Variants in OLFM1 observed in about 807,000 individuals in gnomAD.
OLFM1 encodes the protein noelin.
In OLFM1, 9 loss-of-function variants were observed where a neutral mutation model predicts 49.7. The observed-to-expected ratio is 0.18, with a 90% CI of 0.11 to 0.32. OLFM1 has a LOEUF of 0.32. Among genes scored for constraint, OLFM1 ranks in the 10% least tolerant of loss-of-function variants. The pLI is 1.00. For synonymous variants in OLFM1, 240 were observed against 271.8 expected (o/e 0.88, Z 1.15); for missense variants, 369 against 661.8 (o/e 0.56, Z 4.85).
In OLFM1 at chr9:135,078,755, T is replaced by G. The variant is rs111597996; in HGVS notation, c.96+2953T>G. Among the ~76,000 whole-genome samples the G allele has an allele frequency of 7.1e-3, 1,084 of 152,346 alleles. 15 individuals carry two copies. The highest frequency in any genetic ancestry group is 0.025 in the African/African-American group (1,042 of 41,580). ...AGGCCCACCGCCACACCCCCCAGGC[T>G]TCCCTTCAGAGTGAAGAATGTTTTT... On this transcript the variant is annotated intron_variant, in intron 1 of 5. Coordinates refer to the OLFM1 transcript ENST00000252854.
At chr9:135,118,411 T>TCTTTGGAGTGCTCGCTGG (rs1564282139) in intron 5 of OLFM1, among the ~76,000 whole-genome samples, 4 of 105,240 alleles carry the variant, frequency 3.8e-5, no homozygotes, top group African/African-American at 7.2e-5. Flanking sequence ...GTGCTCGCTG[T>TCTTTGGAGTGCTCGCTGG]GTCTTTGGAG....
chr9:135,084,649 G>T (rs1366176999), upstream of OLFM1, among the ~76,000 whole-genome samples: 3 of 149,740 alleles, frequency 2.0e-5, no homozygotes, highest in Non-Finnish European at 3.0e-5. The surrounding 1 kb of genome is among the most constrained non-coding windows in gnomAD (Gnocchi z 4.6). Context: ...CCCTCCCCTT[G>T]TTTCCCTTCA....
intron 2 of OLFM1, among the ~76,000 whole-genome samples, chr9:135,092,030 C>CG (rs1830724017): frequency 6.6e-6 from 1 of 152,108 alleles, no homozygotes; most frequent in African/African-American, 2.4e-5. Flanking sequence ...CTGTGAGGGG[C>CG]GGGGGGCCTC....
At chr9:135,103,015 G>A (rs1237308770) in intron 4 of OLFM1, among the ~76,000 whole-genome samples, 1 of 152,234 alleles carries the variant, frequency 6.6e-6, no homozygotes, top group Non-Finnish European at 1.5e-5. Context: ...AGCTTGTCCA[G>A]GCTCCCGGCC....
chr9:135,106,902 C>A, intron 5 of OLFM1, 47 bp downstream of exon 5: 1 of 1,439,976 alleles, frequency 6.9e-7, no homozygotes, highest in Admixed American at 2.0e-5. Flanking sequence ...CAAGGGCGCT[C>A]TCGGACACCT....
At position 135,108,992 on chromosome 9, in the gene OLFM1, A is replaced by AAAACCT. The variant is rs577881309; in HGVS notation, c.783+2142_783+2143insTAAACC. Among the ~76,000 whole-genome samples, 238 of 152,206 alleles carry AAAACCT rather than the reference A, an allele frequency of 1.6e-3. 2 individuals are homozygous for AAAACCT. The highest frequency in any genetic ancestry group is 5.2e-3 in the African/African-American group (214 of 41,526). On this transcript the variant is annotated intron_variant, in intron 5 of 5. Coordinates refer to ENST00000371793, the MANE Select transcript of OLFM1 (RefSeq NM_001282611.2). Reference sequence around the variant, plus strand: ...GGCCCACCCCACTATGCAGAGCAGGAAAACCACCCCACAAACCCACGCTGA... The same window carrying AAAACCT: ...GGCCCACCCCACTATGCAGAGCAGGAAAACCTAAACCACCCCACAAACCCACGCTGA...
In OLFM1 at chr9:135,098,029, A is replaced by G. The variant is rs774873339; in HGVS notation, c.457-257A>G. On this transcript the variant is annotated intron_variant, in intron 3 of 5. Coordinates refer to ENST00000371793, the MANE Select transcript of OLFM1 (RefSeq NM_001282611.2). This position sits in a 1 kb window ranked among gnomAD's most constrained non-coding sequence, Gnocchi z 5.6. ...TTTTTTGAAAAAGAAAGAAAAAAAA[A>G]ACTTCGTGTATGTGACTCAAAGCAT... 467 of 1,419,502 alleles carry G rather than the reference A, an allele frequency of 3.3e-4. 1 individual carries two copies. The highest frequency in any genetic ancestry group is 5.0e-4 in the Admixed American group (16 of 31,772). The allele number at this position is 1,419,502 out of a possible 1,614,324, so 87.9% of individuals were successfully genotyped here.
chr9:135,091,686 C>CACACACACACACAG (rs879403147), intron 2 of OLFM1, among the ~76,000 whole-genome samples: 1 of 39,004 alleles, frequency 2.6e-5, no homozygotes, highest in African/African-American at 1.2e-4. Flanking sequence ...CACACATAGT[C>CACACACACACACAG]TCACACACAC....
intron 1 of OLFM1, chr9:135,076,318 C>A (rs970771112): frequency 6.5e-7 from 1 of 1,549,862 alleles, no homozygotes; most frequent in Non-Finnish European, 8.7e-7. Flanking sequence ...GGGCAGCCAG[C>A]GTGCCGGCCA....
At chr9:135,077,526 A>G in intron 1 of OLFM1, 1 of 293,972 alleles carries the variant, frequency 3.4e-6, no homozygotes, top group African/African-American at 2.1e-5. Context: ...TCCGAACCCC[A>G]GCCAGCCCCT....
intron 5 of OLFM1, among the ~76,000 whole-genome samples, chr9:135,114,601 T>G (rs1831071063): frequency 9.5e-6 from 1 of 105,754 alleles, no homozygotes; most frequent in African/African-American, 3.6e-5. Flanking sequence ...GGGGCAGGGA[T>G]GGGGACGGGG....
chr9:135,081,852 C>T lies in OLFM1; in HGVS notation c.96+6050C>T, dbSNP rs548108985. On this transcript the variant is annotated intron_variant, in intron 1 of 5. Transcript: ENST00000252854. ...CAGTGAGGCTCTAAACTGCCCGACA[C>T]GTGCACCCGACACGCCTGCGGGTCC... Among the ~76,000 whole-genome samples the T allele has an allele frequency of 1.6e-4, 24 of 152,310 alleles. No homozygotes were observed. The South Asian group carries it at 4.2e-3, about 26-fold the overall frequency.
chr9:135,087,168 T>A (rs1342081962), upstream of OLFM1: 11 of 1,340,540 alleles, frequency 8.2e-6, no homozygotes, highest in African/African-American at 1.4e-4. Context: ...GACGCCCCCC[T>A]GGCGCTGGAG....
intron 5 of OLFM1, among the ~76,000 whole-genome samples, chr9:135,115,016 A>G (rs578019786): frequency 8.5e-5 from 13 of 152,214 alleles, no homozygotes; most frequent in African/African-American, 3.1e-4. Context: ...CAGGAACAGC[A>G]AGCTTCTCCC....
intron 4 of OLFM1, among the ~76,000 whole-genome samples, chr9:135,101,120 G>A (rs1196935509): frequency 2.0e-5 from 3 of 152,352 alleles, no homozygotes; most frequent in East Asian, 3.9e-4. Flanking sequence ...CTGGCAGCCT[G>A]TTCCCTTGCT....
At chr9:135,078,984 C>A (rs370916935) in intron 1 of OLFM1, among the ~76,000 whole-genome samples, 2 of 152,190 alleles carry the variant, frequency 1.3e-5, no homozygotes, top group African/African-American at 2.4e-5. Flanking sequence ...CTGCTACAGA[C>A]CCCCAACCCC....
In OLFM1 at chr9:135,119,558, A is replaced by C; in HGVS notation, c.838A>C (p.Met280Leu). Reference sequence around the variant, plus strand: ...CCGCTTCGTACGTGAGTACAAGTCCATGGTTGACTTCATGAACACGGACAA... The same window carrying C: ...CCGCTTCGTACGTGAGTACAAGTCCCTGGTTGACTTCATGAACACGGACAA... ...NNRFVREYKS[M>L]VDFMNTDNFT... Residue 280 changes from methionine to leucine, a missense_variant, in exon 6 of 6, where the codon ATG (methionine) becomes CTG (leucine). This residue lies in a region of OLFM1 where 294 missense variants were observed against 567.5 expected (regional missense o/e 0.52). Coordinates refer to ENST00000371793, the MANE Select transcript of OLFM1 (RefSeq NM_001282611.2). 1 of 1,614,070 alleles carries C rather than the reference A, an allele frequency of 6.2e-7. No homozygotes were observed. The highest frequency in any genetic ancestry group is 8.5e-7 in the Non-Finnish European group (1 of 1,180,002).
chr9:135,112,842 G>A (rs1253922892), intron 5 of OLFM1, among the ~76,000 whole-genome samples: 2 of 152,326 alleles, frequency 1.3e-5, no homozygotes, highest in East Asian at 3.9e-4. Flanking sequence ...GGTCCCTGAG[G>A]GGGAGAAGGA....
chr9:135,106,775 G>A lies in OLFM1; in HGVS notation c.703G>A (p.Asp235Asn). ...TTGCGGGAAGTTGACGGGCATCAGTGACCCCGTGACTGTCAAGACCTCCGG... is the reference window on the plus strand; with the variant it reads ...TTGCGGGAAGTTGACGGGCATCAGTAACCCCGTGACTGTCAAGACCTCCGG... ...LACGKLTGIS[D>N]PVTVKTSGSR... Residue 235 changes from aspartate to asparagine, a missense_variant, in exon 5 of 6, where the codon GAC (aspartate) becomes AAC (asparagine). Physicochemically the swap from Asp to Asn is conservative, Grantham distance 23 (BLOSUM62 1). Coordinates refer to ENST00000371793, the MANE Select transcript of OLFM1 (RefSeq NM_001282611.2). 6.2e-7 allele frequency: 1 copy of A among 1,613,676 alleles called. No individual in the cohort carries two copies. The highest frequency in any genetic ancestry group is 8.5e-7 in the Non-Finnish European group (1 of 1,179,904).
Sources: allele counts gnomAD v4.1 joint callset (sites outside exome capture counted in the v4.1 genomes callset), GRCh38; gene constraint gnomAD v4.1.1; regional missense constraint gnomAD v4.1.1; non-coding constraint Gnocchi (gnomAD v3.1); transcripts MANE v1.5; gene names NCBI Gene and HGNC (gene_info 2026-07-23, HGNC 2026-07-21).